The following MTUS1 variants were observed in gnomAD, a reference collection of about 807,000 sequenced individuals.
MTUS1 encodes the protein microtubule associated scaffold protein 1, also known as microtubule-associated tumor suppressor 1.
MTUS1 carries 109 observed loss-of-function variants against 120.8 expected under a neutral mutation model. The ratio of observed to expected loss-of-function variants is 0.90; its 90% CI spans 0.77 to 1.06. The LOEUF is 1.06. MTUS1 is among the 50% of genes least tolerant of loss of function. MTUS1 has a pLI of 0.00. For missense variants in MTUS1, 2,210 were observed against 1,486.3 expected, an observed-to-expected ratio of 1.49 and a Z score of -8.01; for synonymous variants, 737 against 550.5, an observed-to-expected ratio of 1.34 and a Z score of -4.74.
intron 3 of MTUS1, among the ~76,000 whole-genome samples, chr8:17,728,984 T>C (rs936929614): frequency 6.6e-6 from 1 of 152,206 alleles, no homozygotes; most frequent in African/African-American, 2.4e-5. Context: ...TATATCAGTA[T>C]GGCACACAAG....
chr8:17,747,474 G>A (rs1232966033), intron 2 of MTUS1, among the ~76,000 whole-genome samples: 1 of 152,140 alleles, frequency 6.6e-6, no homozygotes, highest in African/African-American at 2.4e-5. Flanking sequence ...AGAGGCAGGA[G>A]GCAGAGAAAT....
rs80217804 is a variant in MTUS1 at position 17,743,343 on chromosome 8, C to G, written c.2287+261G>C. The stretch of plus-strand genomic sequence containing the variant: ...AATGATTCAAATTTACATCAGCCAC[C>G]CAATTGTATATTTATGTACACATCC... On this transcript the variant is annotated intron_variant, in intron 3 of 14. Transcript: ENST00000693296. 1.3e-3 allele frequency among the ~76,000 whole-genome samples: 196 copies of G among 152,190 alleles called. 6 individuals carry two copies. The East Asian group carries it at 0.033, about 25-fold the overall frequency.
intron 1 of MTUS1, among the ~76,000 whole-genome samples, chr8:17,781,317 C>T (rs414703): frequency 0.35 from 53,774 of 152,128 alleles, 12,548 homozygotes; most frequent in African/African-American, 0.65. Context: ...ATTTGTACCA[C>T]ATTGTAACCA....
At chr8:17,713,778 C>A (rs1049388252) in intron 5 of MTUS1, among the ~76,000 whole-genome samples, 1 of 152,164 alleles carries the variant, frequency 6.6e-6, no homozygotes, top group Non-Finnish European at 1.5e-5. Flanking sequence ...TATGATGCTT[C>A]TACTTAACAT....
chr8:17,681,479 T>C (rs1042567977), intron 7 of MTUS1: 1 of 153,968 alleles, frequency 6.5e-6, no homozygotes, highest in Non-Finnish European at 1.5e-5. Context: ...AGCAGGCAAA[T>C]TACCTAACTC....
Position 17,755,186 on chromosome 8 carries a change from A to T in MTUS1, c.622T>A (p.Trp208Arg), listed in dbSNP as rs1174765224. 2 of 1,614,210 alleles carry T rather than the reference A, an allele frequency of 1.2e-6. No individual in the cohort carries two copies. The highest frequency in any genetic ancestry group is 2.2e-5 in the South Asian group (2 of 91,086). ...GTCTTATCAGAATGGGAAGATGTCC[A>T]AGTGGAATAGGATAAAGAAGATGTA... ...GSTSSLSYST[W>R]TSSHSDKTHA... The change falls in exon 2 of 15, where the codon TGG (tryptophan) becomes AGG (arginine). Residue 208 changes from tryptophan (W) to arginine (R), a missense_variant. Trp to Arg is a moderately radical substitution (Grantham distance 101, BLOSUM62 -3). Transcript: ENST00000693296.
intron 5 of MTUS1, among the ~76,000 whole-genome samples, chr8:17,714,555 C>G (rs1294765550): frequency 6.6e-6 from 1 of 152,122 alleles, no homozygotes; most frequent in Non-Finnish European, 1.5e-5. Flanking sequence ...AAGTTGCCCA[C>G]TATAAACTGA....
intron 8 of MTUS1, chr8:17,674,783 A>G: frequency 2.0e-6 from 2 of 1,013,168 alleles, no homozygotes; most frequent in Non-Finnish European, 2.4e-6. Context: ...CACTACTCAC[A>G]AACCAACCCT....
At chr8:17,718,290 A>G (rs1186337552) in intron 4 of MTUS1, among the ~76,000 whole-genome samples, 2 of 152,208 alleles carry the variant, frequency 1.3e-5, no homozygotes, top group Admixed American at 1.3e-4. Flanking sequence ...ATATCCAAAC[A>G]ATAAAGTCCT....
intron 13 of MTUS1, 81 bp downstream of exon 13, chr8:17,649,765 C>T: frequency 2.6e-6 from 2 of 771,548 alleles, no homozygotes; most frequent in South Asian, 3.0e-5. Flanking sequence ...TAACCCAACT[C>T]CACAGTTCTA....
chr8:17,724,935 TA>T (rs2046115509), intron 3 of MTUS1, among the ~76,000 whole-genome samples: 1 of 152,326 alleles, frequency 6.6e-6, no homozygotes, highest in African/African-American at 2.4e-5. Context: ...TCCACTGTTT[TA>T]TTTTTTTAAA....
At chr8:17,714,303 C>A (rs1179979713) in intron 5 of MTUS1, among the ~76,000 whole-genome samples, 2 of 152,100 alleles carry the variant, frequency 1.3e-5, no homozygotes, top group Non-Finnish European at 2.9e-5. Flanking sequence ...CTCAAGGTAC[C>A]ATATTATCCT....
intron 8 of MTUS1, chr8:17,674,791 C>T (rs775632755): frequency 2.0e-6 from 2 of 1,019,426 alleles, no homozygotes; most frequent in Non-Finnish European, 2.3e-6. Context: ...ACAAACCAAC[C>T]CTTGGAAGTA....
intron 1 of MTUS1, among the ~76,000 whole-genome samples, chr8:17,796,354 A>G (rs539280954): frequency 6.6e-6 from 1 of 152,294 alleles, no homozygotes; most frequent in East Asian, 1.9e-4. Context: ...CTTGAAGTCT[A>G]AACTTTAATG....
chr8:17,769,409 G>A (rs557201992), intron 1 of MTUS1, among the ~76,000 whole-genome samples: 96 of 147,818 alleles, frequency 6.5e-4, no homozygotes, highest in Non-Finnish European at 9.4e-4. Context: ...GTGCAGTGGC[G>A]CGATCTCGGC....
intron 1 of MTUS1, among the ~76,000 whole-genome samples, chr8:17,798,274 T>G (rs2052406585): frequency 6.6e-6 from 1 of 152,194 alleles, no homozygotes; most frequent in South Asian, 2.1e-4. Context: ...TGCAACAGTC[T>G]CTAACCCAAG....
chr8:17,769,952 A>G (rs1043668922), intron 1 of MTUS1, among the ~76,000 whole-genome samples: 5 of 151,738 alleles, frequency 3.3e-5, no homozygotes, highest in African/African-American at 1.2e-4. Context: ...GGGAAGCACT[A>G]CAGTCAGAAT....
chr8:17,689,824 T>C (rs3862098), intron 6 of MTUS1, among the ~76,000 whole-genome samples: 3,970 of 147,796 alleles, frequency 0.027, 278 homozygotes, highest in East Asian at 0.23. Context: ...GCTGGGAAAA[T>C]TGGAACAGAG....
At chr8:17,711,386 C>G (rs1485161202) in intron 6 of MTUS1, among the ~76,000 whole-genome samples, 1 of 152,210 alleles carries the variant, frequency 6.6e-6, no homozygotes. Flanking sequence ...CTTGCTGCTT[C>G]GCCCTGTACT....
Sources: allele counts gnomAD v4.1 joint callset (sites outside exome capture counted in the v4.1 genomes callset), GRCh38; gene constraint gnomAD v4.1.1; transcripts MANE v1.5; gene names NCBI Gene and HGNC (gene_info 2026-07-23, HGNC 2026-07-21).